SLC4A4: variants seen among roughly 807,000 people sequenced by gnomAD.
The protein encoded by SLC4A4 is electrogenic sodium bicarbonate cotransporter 1.
In SLC4A4, 27 loss-of-function variants were observed where a neutral mutation model predicts 111.5. The ratio of observed to expected loss-of-function variants is 0.24; its 90% CI spans 0.18 to 0.33. The LOEUF is 0.33. Ranked by LOEUF, SLC4A4 falls within the 10% of genes least tolerant of loss-of-function variation. The probability of loss-of-function intolerance (pLI) is 1.00; values close to 1 mark genes in which losing one functional copy is unlikely to be tolerated. For missense variants in SLC4A4, 909 were observed against 1,315.5 expected (o/e 0.69, Z 4.78); for synonymous variants, 443 against 463.4 (o/e 0.96, Z 0.57).
intron 2 of SLC4A4, among the ~76,000 whole-genome samples, chr4:71,164,477 A>C (rs1744689948): frequency 6.6e-6 from 1 of 152,042 alleles, no homozygotes; most frequent in African/African-American, 2.4e-5. Context: ...ATTTCTATAT[A>C]GCAGCTGGAA....
intron 16 of SLC4A4, among the ~76,000 whole-genome samples, chr4:71,500,441 C>T (rs1296976217): frequency 6.6e-6 from 1 of 152,090 alleles, no homozygotes; most frequent in Non-Finnish European, 1.5e-5. Flanking sequence ...AATAATTTTA[C>T]AGTTTCAGGT....
At chr4:71,540,414 T>G (rs943867339) in intron 18 of SLC4A4, among the ~76,000 whole-genome samples, 13 of 152,204 alleles carry the variant, frequency 8.5e-5, no homozygotes, top group Non-Finnish European at 1.9e-4. Context: ...CAAAAGGAAA[T>G]AAAGTTTCAC....
At chr4:71,388,892 G>A (rs781317222) in intron 6 of SLC4A4, among the ~76,000 whole-genome samples, 2 of 152,104 alleles carry the variant, frequency 1.3e-5, no homozygotes, top group Non-Finnish European at 2.9e-5. Flanking sequence ...TATATCCAGT[G>A]TAATATTATT....
intron 1 of SLC4A4, among the ~76,000 whole-genome samples, chr4:71,083,310 T>A (rs2148935619): frequency 6.6e-6 from 1 of 152,178 alleles, no homozygotes; most frequent in South Asian, 2.1e-4. Flanking sequence ...TTTTAGTTTT[T>A]TTTCCATGTT....
At chr4:71,546,996 G>A (rs1735596713) in intron 19 of SLC4A4, among the ~76,000 whole-genome samples, 1 of 151,998 alleles carries the variant, frequency 6.6e-6, no homozygotes, top group Non-Finnish European at 1.5e-5. Flanking sequence ...GGCAGGAGTA[G>A]AAGGTTTTTA....
At chr4:71,068,935 A>T (rs758927445) in intron 1 of SLC4A4, among the ~76,000 whole-genome samples, 2 of 152,164 alleles carry the variant, frequency 1.3e-5, no homozygotes, top group Non-Finnish European at 2.9e-5. Flanking sequence ...ACAAAGTTTG[A>T]GGATTAGGAA....
At chr4:71,309,951 A>T (rs1390670719) in intron 3 of SLC4A4, among the ~76,000 whole-genome samples, 1 of 151,994 alleles carries the variant, frequency 6.6e-6, no homozygotes, top group Non-Finnish European at 1.5e-5. Flanking sequence ...GGTTACAGGA[A>T]CTACTAACTA....
At chr4:71,431,190 T>C (rs1723614110) in intron 7 of SLC4A4, among the ~76,000 whole-genome samples, 1 of 133,168 alleles carries the variant, frequency 7.5e-6, no homozygotes, top group South Asian at 2.3e-4. Flanking sequence ...AACATTCTAA[T>C]AAAAATGAAT....
intron 2 of SLC4A4, among the ~76,000 whole-genome samples, chr4:71,147,748 C>T (rs1744216991): frequency 6.6e-6 from 1 of 152,058 alleles, no homozygotes; most frequent in Non-Finnish European, 1.5e-5. Context: ...AGGAGGGGTC[C>T]TGAGGGGGCA....
intron 1 of SLC4A4, among the ~76,000 whole-genome samples, chr4:71,228,925 A>G (rs1166012994): frequency 6.6e-6 from 1 of 152,192 alleles, no homozygotes; most frequent in African/African-American, 2.4e-5. Context: ...TACTTGTACT[A>G]ATTTCTCTCT....
intron 18 of SLC4A4, among the ~76,000 whole-genome samples, chr4:71,537,723 C>T (rs1393744256): frequency 6.6e-6 from 1 of 151,644 alleles, no homozygotes; most frequent in Non-Finnish European, 1.5e-5. Flanking sequence ...TTTTGATTGG[C>T]CAACTGAGTA....
Position 71,084,739 on chromosome 4 carries a change from T to A in SLC4A4, c.-64-7991T>A, listed in dbSNP as rs1007656202. On this transcript the variant is annotated intron_variant, in intron 1 of 26. Transcript: ENST00000649996. ...TCCCTACAAAGGACACGAACTCACC[T>A]TTTTTTATGGCTGCGTAGTATTCCA... Among the ~76,000 whole-genome samples the A allele has an allele frequency of 3.3e-5, 5 of 151,718 alleles. No individual in the cohort carries two copies. The South Asian group carries it at 6.2e-4, about 19-fold the overall frequency.
At chr4:71,434,752 C>T (rs543848668) in intron 7 of SLC4A4, 1 of 152,204 alleles carries the variant, frequency 6.6e-6, no homozygotes, top group South Asian at 2.1e-4. Context: ...GTGCAAAAAT[C>T]ACAAGCATTC....
intron 3 of SLC4A4, among the ~76,000 whole-genome samples, chr4:71,272,824 C>A (rs1722790975): frequency 6.6e-6 from 1 of 151,954 alleles, no homozygotes; most frequent in Non-Finnish European, 1.5e-5. Flanking sequence ...CTCTGAGGAA[C>A]CTACTAAGGT....
At chr4:71,314,087 C>G (rs1726450422) in intron 3 of SLC4A4, among the ~76,000 whole-genome samples, 1 of 151,934 alleles carries the variant, frequency 6.6e-6, no homozygotes, top group South Asian at 2.1e-4. Context: ...AAAAAACCAA[C>G]AACCCCATCA....
At chr4:71,241,753 T>G (rs1015695624) in intron 2 of SLC4A4, among the ~76,000 whole-genome samples, 2 of 152,212 alleles carry the variant, frequency 1.3e-5, no homozygotes, top group African/African-American at 4.8e-5. Context: ...AGGAAAAGCC[T>G]TCTTAAAAGG....
intron 12 of SLC4A4, among the ~76,000 whole-genome samples, chr4:71,464,412 C>G (rs1353079696): frequency 1.3e-5 from 2 of 152,114 alleles, no homozygotes; most frequent in Non-Finnish European, 2.9e-5. Flanking sequence ...TTCTGCTGCC[C>G]TTCCTTGTTA....
At chr4:71,096,080 A>G (rs563564151) in intron 2 of SLC4A4, among the ~76,000 whole-genome samples, 15 of 152,118 alleles carry the variant, frequency 9.9e-5, no homozygotes, top group African/African-American at 3.6e-4. Context: ...GGCATGAGGA[A>G]GGCCGGGAGA....
intron 2 of SLC4A4, among the ~76,000 whole-genome samples, chr4:71,167,596 T>C (rs777325669): frequency 6.6e-6 from 1 of 152,208 alleles, no homozygotes; most frequent in Non-Finnish European, 1.5e-5. Context: ...GTAAGTGTTA[T>C]GTTAAAAGTG....
Sources: allele counts gnomAD v4.1 joint callset (sites outside exome capture counted in the v4.1 genomes callset), GRCh38; gene constraint gnomAD v4.1.1; transcripts MANE v1.5; gene names NCBI Gene and HGNC (gene_info 2026-07-23, HGNC 2026-07-21).